The following SCN8A variants were observed in gnomAD, a reference collection of about 807,000 sequenced individuals.
The protein encoded by SCN8A is sodium voltage-gated channel alpha subunit 8.
Under a neutral mutation model 184.1 loss-of-function variants are expected in SCN8A, and 30 were observed. The observed-to-expected ratio is 0.16, with a 90% CI of 0.12 to 0.22. The LOEUF is 0.22. Among genes scored for constraint, SCN8A ranks in the 10% least tolerant of loss-of-function variants. The pLI, the probability that SCN8A is intolerant of heterozygous loss-of-function variation, is 1.00. For synonymous variants in SCN8A, 852 were observed against 907.0 expected, an observed-to-expected ratio of 0.94 and a Z score of 1.09; for missense variants, 1,057 against 2,498.9, an observed-to-expected ratio of 0.42 and a Z score of 12.30.
At chr12:51,722,127 AC>A in intron 12 of SCN8A, 1 of 660,678 alleles carries the variant, frequency 1.5e-6, no homozygotes, top group East Asian at 2.8e-5. Flanking sequence ...CCTATTACTC[AC>A]CCTGTCTTCT....
At chr12:51,726,587 A>G (rs1450493074) in intron 12 of SCN8A, among the ~76,000 whole-genome samples, 1 of 152,152 alleles carries the variant, frequency 6.6e-6, no homozygotes, top group Non-Finnish European at 1.5e-5. Flanking sequence ...AAATTCTCTA[A>G]GCCATTTTCT....
intron 1 of SCN8A, among the ~76,000 whole-genome samples, chr12:51,637,144 A>G (rs1406484001): frequency 6.6e-6 from 1 of 152,154 alleles, no homozygotes; most frequent in African/African-American, 2.4e-5. Flanking sequence ...CCACACTCAT[A>G]TGACAGGGAA....
chr12:51,737,225 T>C (rs1005391606), intron 12 of SCN8A, among the ~76,000 whole-genome samples: 4 of 152,190 alleles, frequency 2.6e-5, no homozygotes, highest in African/African-American at 9.7e-5. Context: ...AGCAATTTGA[T>C]CTAAATAAGG....
intron 12 of SCN8A, among the ~76,000 whole-genome samples, chr12:51,731,045 C>G (rs1942232714): frequency 6.6e-6 from 1 of 152,192 alleles, no homozygotes; most frequent in Non-Finnish European, 1.5e-5. Flanking sequence ...GACAGGATCT[C>G]AGTCTTTTTT....
At chr12:51,632,456 C>A (rs569420436) in intron 1 of SCN8A, among the ~76,000 whole-genome samples, 1 of 152,228 alleles carries the variant, frequency 6.6e-6, no homozygotes, top group African/African-American at 2.4e-5. Flanking sequence ...CACTCCCCTC[C>A]CTTGTGGCTG....
chr12:51,591,921 A>G (rs958323623), intron 1 of SCN8A, among the ~76,000 whole-genome samples: 1 of 151,846 alleles, frequency 6.6e-6, no homozygotes, highest in Non-Finnish European at 1.5e-5. Flanking sequence ...CTTTACTCGG[A>G]TGCGTTCGTC....
At chr12:51,652,983 G>T (rs920029965) in intron 1 of SCN8A, among the ~76,000 whole-genome samples, 1 of 152,024 alleles carries the variant, frequency 6.6e-6, no homozygotes, top group Non-Finnish European at 1.5e-5. Context: ...AAAAAAGATT[G>T]TAGTAAAATA....
At chr12:51,737,698 T>G (rs1054760778) in intron 12 of SCN8A, among the ~76,000 whole-genome samples, 4 of 152,132 alleles carry the variant, frequency 2.6e-5, no homozygotes, top group African/African-American at 9.7e-5. Context: ...CACGAGAAAT[T>G]GAATTTTGTA....
intron 1 of SCN8A, among the ~76,000 whole-genome samples, chr12:51,606,825 GTATTT>G (rs56405324): frequency 2.3e-4 from 35 of 150,024 alleles, no homozygotes; most frequent in African/African-American, 5.6e-4. Flanking sequence ...ATATTCCTAA[GTATTT>G]TATTTTATTT....
intron 12 of SCN8A, among the ~76,000 whole-genome samples, chr12:51,743,278 G>A (rs1022736278): frequency 1.3e-5 from 2 of 152,218 alleles, no homozygotes; most frequent in East Asian, 3.9e-4. Flanking sequence ...GTAGATGTTT[G>A]TTGGTGTTTG....
At chr12:51,789,549 T>A in intron 24 of SCN8A, 131 bp downstream of exon 24, 1 of 1,053,698 alleles carries the variant, frequency 9.5e-7, no homozygotes, top group Non-Finnish European at 1.4e-6. Flanking sequence ...ACTGTGACCC[T>A]GGCCCCCATA....
chr12:51,717,726 C>T (rs1941989259), intron 11 of SCN8A, among the ~76,000 whole-genome samples: 1 of 152,196 alleles, frequency 6.6e-6, no homozygotes, highest in African/African-American at 2.4e-5. Context: ...AAATGAGGCT[C>T]AGTCAACATT....
intron 12 of SCN8A, chr12:51,722,861 C>T (rs1942091427): frequency 6.6e-6 from 1 of 152,194 alleles, no homozygotes; most frequent in South Asian, 2.1e-4. Flanking sequence ...CCTAACATTT[C>T]TTTAAATTCT....
chr12:51,597,289 C>T (rs1215579144), intron 1 of SCN8A, among the ~76,000 whole-genome samples: 1 of 152,110 alleles, frequency 6.6e-6, no homozygotes, highest in Middle Eastern at 3.2e-3. Flanking sequence ...ATTCACTGGG[C>T]ATGTCCCAGG....
Position 51,672,301 on chromosome 12 carries a change from A to G in SCN8A, c.276+9208A>G, listed in dbSNP as rs576087741. Among the ~76,000 whole-genome samples, 5 of 152,266 alleles carry G rather than the reference A, an allele frequency of 3.3e-5. No individual in the cohort carries two copies. The East Asian group carries it at 5.8e-4, about 18-fold the overall frequency. On this transcript the variant is annotated intron_variant, in intron 2 of 26. Coordinates refer to ENST00000627620, the MANE Select transcript of SCN8A (RefSeq NM_001330260.2). ...GCATCCTCACCCCTTTCATGATATT[A>G]TAAGATCTTCCCAATAACATCTCAA...
intron 12 of SCN8A, among the ~76,000 whole-genome samples, chr12:51,741,721 A>G (rs1394731104): frequency 6.6e-6 from 1 of 151,880 alleles, no homozygotes; most frequent in Non-Finnish European, 1.5e-5. Flanking sequence ...TTATTTATTT[A>G]TTTTTTGAGA....
At chr12:51,673,455 A>G (rs774832739) in intron 2 of SCN8A, among the ~76,000 whole-genome samples, 5 of 152,182 alleles carry the variant, frequency 3.3e-5, no homozygotes, top group Non-Finnish European at 5.9e-5. Flanking sequence ...TCAGCATGGT[A>G]TCTGAGACAT....
In SCN8A at chr12:51,765,767, G is replaced by A; in HGVS notation, c.2641G>A (p.Val881Met). ...GGGTGCCCTGGGCAACCTGACACTG[G>A]TGCTGGCCATTATTGTCTTCATCTT... ...SVGALGNLTL[V>M]LAIIVFIFAV... Residue 881 changes from valine (V) to methionine (M), a missense_variant, in exon 16 of 27, where the codon GTG (valine) becomes ATG (methionine). Physicochemically the swap from Val to Met is conservative, Grantham distance 21. Around this residue, in one of 19 missense-constraint regions of SCN8A, gnomAD observed 66 missense variants for 310.6 expected, o/e 0.21. Transcript: ENST00000627620. 6.2e-7 allele frequency: 1 copy of A among 1,613,862 alleles called. No homozygotes were observed. The highest frequency in any genetic ancestry group is 8.5e-7 in the Non-Finnish European group (1 of 1,179,888).
At chr12:51,750,299 A>G (rs1243356854) in intron 13 of SCN8A, among the ~76,000 whole-genome samples, 1 of 152,146 alleles carries the variant, frequency 6.6e-6, no homozygotes, top group Non-Finnish European at 1.5e-5. Flanking sequence ...TGACAATAAC[A>G]CTTTCTGTTT....
Sources: gnomAD v4.1 joint callset for allele counts (sites outside exome capture counted in the v4.1 genomes callset) on GRCh38, gnomAD v4.1.1 for gene constraint, gnomAD v4.1.1 regional missense constraint, MANE v1.5 for transcripts, NCBI Gene and HGNC (gene_info 2026-07-23, HGNC 2026-07-21) for gene names.